The following MEST variants were observed in gnomAD, a reference collection of about 807,000 sequenced individuals.
MEST encodes mesoderm specific transcript, also known as mesoderm-specific transcript homolog protein.
In MEST, 18 loss-of-function variants were observed where a neutral mutation model predicts 50.9. The ratio of observed to expected loss-of-function variants is 0.35; its 90% CI spans 0.24 to 0.52. MEST has a LOEUF of 0.52. Ranked by LOEUF, MEST falls within the 20% of genes least tolerant of loss-of-function variation. MEST has a pLI of 0.94. For synonymous variants in MEST, 130 were observed against 154.1 expected (o/e 0.84, Z 1.16); for missense variants, 282 against 425.3 (o/e 0.66, Z 2.96).
upstream of MEST, chr7:130,489,046 G>T (rs1228178610): frequency 6.6e-6 from 1 of 152,196 alleles, no homozygotes; most frequent in Non-Finnish European, 1.5e-5. Flanking sequence ...AGTCCCGGTT[G>T]TGTCTTGTTG....
chr7:130,501,777 G>A (rs369895477), intron 9 of MEST, among the ~76,000 whole-genome samples: 44 of 152,218 alleles, frequency 2.9e-4, no homozygotes, highest in African/African-American at 8.9e-4. Flanking sequence ...AGGCCAAGGT[G>A]GGCGAATCAT....
intron 6 of MEST, 173 bp downstream of exon 6, chr7:130,498,650 C>T (rs1799161945): frequency 1.6e-6 from 1 of 638,628 alleles, no homozygotes; most frequent in Non-Finnish European, 2.8e-6. Context: ...GATTTATGGA[C>T]CCTTTCTCAG....
rs1240860417 is a variant in MEST at position 130,505,197 on chromosome 7, C to G, written c.*141C>G. On this transcript the variant is annotated 3_prime_UTR_variant, in exon 12 of 12. Coordinates refer to ENST00000223215, the MANE Select transcript of MEST (RefSeq NM_002402.4). The stretch of plus-strand genomic sequence containing the variant: ...AGTCCACTTTACTCAAATTGGTGAA[C>G]AGTGTATAGGAAGAAGCCAGCAGGA... The G allele has an allele frequency of 5.7e-6, 4 of 703,158 alleles. No individual in the cohort carries two copies. The East Asian group carries it at 1.0e-4, about 18-fold the overall frequency. The allele number at this position is 703,158 out of a possible 1,614,324, so 43.6% of individuals were successfully genotyped here. A position where few individuals can be genotyped will look rare whatever the true frequency, so the allele number is the denominator to read the frequency against.
Position 130,497,112 on chromosome 7 carries a change from T to C in MEST, c.182-44T>C, listed in dbSNP as rs1799090595. 6.6e-7 allele frequency: 1 copy of C among 1,513,756 alleles called. No individual in the cohort carries two copies. The highest frequency in any genetic ancestry group is 1.4e-5 in the African/African-American group (1 of 72,096). The allele number at this position is 1,513,756 out of a possible 1,614,324, so 93.8% of individuals were successfully genotyped here. A position where few individuals can be genotyped will look rare whatever the true frequency, so the allele number is the denominator to read the frequency against. On this transcript the variant is annotated intron_variant, in intron 2 of 11. Transcript: ENST00000223215. This position sits in a 1 kb window ranked among gnomAD's most constrained non-coding sequence, Gnocchi z 4.0. Reference sequence around the variant, plus strand: ...GATTTTAACATCTTCGAGGTTATTTTTATAGGGATTTGGCATAATTGATTG... The same window carrying C: ...GATTTTAACATCTTCGAGGTTATTTCTATAGGGATTTGGCATAATTGATTG...
intron 2 of MEST, chr7:130,496,584 G>A: frequency 5.7e-6 from 1 of 174,558 alleles, no homozygotes; most frequent in South Asian, 1.4e-4. Context: ...CATTAAAAAA[G>A]TTCATGTTTA....
At chr7:130,501,075 T>C in intron 9 of MEST, 185 bp downstream of exon 9, 1 of 526,848 alleles carries the variant, frequency 1.9e-6, no homozygotes, top group Non-Finnish European at 3.3e-6. Context: ...ACTGGACTCT[T>C]TGTTAGTATT....
At chr7:130,499,776 G>A in intron 6 of MEST, 99 bp from the exon 7 acceptor site, 1 of 925,920 alleles carries the variant, frequency 1.1e-6, no homozygotes. Flanking sequence ...AGGATTGCTT[G>A]AGCTCGAGAC....
At chr7:130,487,991 T>C (rs1798675440), upstream of MEST, 1 of 152,250 alleles carries the variant, frequency 6.6e-6, no homozygotes, top group South Asian at 2.1e-4. Flanking sequence ...ATTTTATTGA[T>C]GATAATGTCT....
intron 11 of MEST, among the ~76,000 whole-genome samples, chr7:130,504,232 C>T (rs117670945): frequency 1.3e-3 from 197 of 152,360 alleles, no homozygotes; most frequent in South Asian, 3.5e-3. Context: ...ACTGTCATGA[C>T]TGCTACATAT....
In MEST at chr7:130,497,289, C is replaced by T. The variant is rs6963160; in HGVS notation, c.261+54C>T. On this transcript the variant is annotated intron_variant, in intron 3 of 11. Coordinates refer to ENST00000223215, the MANE Select transcript of MEST (RefSeq NM_002402.4). This position sits in a 1 kb window ranked among gnomAD's most constrained non-coding sequence, Gnocchi z 4.0. ...TATGTCTTAAAAAATCTCGGCCGGG[C>T]GCGGGGGCTCAAATCCTAGCACTTT... The T allele has an allele frequency of 3.2e-3, 4,656 of 1,475,442 alleles. 38 individuals are homozygous for T. Among genetic ancestry groups the T allele is most frequent in the Middle Eastern group, 0.024 (138 of 5,670 alleles). 91.4% of individuals were successfully genotyped at this position (1,475,442 alleles called of 1,614,324 possible). A position where few individuals can be genotyped will look rare whatever the true frequency, so the allele number is the denominator to read the frequency against.
chr7:130,486,504 C>T (rs2116192252), intron 1 of MEST: 1 of 152,442 alleles, frequency 6.6e-6, no homozygotes, highest in East Asian at 1.9e-4. Context: ...GTGGGCCACA[C>T]CAGTCCTAGG....
rs1225353876 is a variant in MEST at position 130,500,672 on chromosome 7, T to C, written c.648-117T>C. On this transcript the variant is annotated intron_variant, in intron 8 of 11. Transcript: ENST00000223215. The surrounding 1 kb of genome is among the most constrained non-coding windows in gnomAD (Gnocchi z 5.0). ...TTGCCAGGGAAGTAGAAGGAATTCATAAATCACTTATGGGTCAGACTGCAT... is the reference window on the plus strand; with the variant it reads ...TTGCCAGGGAAGTAGAAGGAATTCACAAATCACTTATGGGTCAGACTGCAT... 1 of 1,193,710 alleles carries C rather than the reference T, an allele frequency of 8.4e-7. No individual in the cohort carries two copies. The highest frequency in any genetic ancestry group is 2.5e-5 in the East Asian group (1 of 40,248). 73.9% of individuals were successfully genotyped at this position (1,193,710 alleles called of 1,614,324 possible).
chr7:130,495,777 A>ATT, intron 2 of MEST: 2 of 202,006 alleles, frequency 9.9e-6, no homozygotes, highest in Non-Finnish European at 1.8e-5. Flanking sequence ...TTCCAATATT[A>ATT]GTTTTTTTTT....
At position 130,492,644 on chromosome 7, in the gene MEST, A is replaced by T. The variant is rs1798872636; in HGVS notation, c.26+305A>T. ...TTGATATGACTTAGGATCCATAATG[A>T]CCCTGGTCTCACCCTGATGCGAATT... On this transcript the variant is annotated intron_variant, in intron 1 of 11. Transcript: ENST00000223215. The surrounding 1 kb of genome is among the most constrained non-coding windows in gnomAD (Gnocchi z 7.6). 3.1e-6 allele frequency: 1 copy of T among 318,772 alleles called. No individual in the cohort carries two copies. Among genetic ancestry groups the T allele is most frequent in the Admixed American group, 5.0e-5 (1 of 20,194 alleles). The allele number at this position is 318,772 out of a possible 1,614,324, so 19.7% of individuals were successfully genotyped here.
At position 130,497,131 on chromosome 7, in the gene MEST, T is replaced by C. The variant is rs782030187; in HGVS notation, c.182-25T>C. 6.9e-6 allele frequency: 11 copies of C among 1,589,570 alleles called. No individual in the cohort carries two copies. Among genetic ancestry groups the C allele is most frequent in the Non-Finnish European group, 8.6e-6 (10 of 1,162,278 alleles). ...TTATTTTTATAGGGATTTGGCATAA[T>C]TGATTGTACTTTCCTTCTTCCTAGA... is the stretch of plus-strand genomic sequence containing the variant. On this transcript the variant is annotated intron_variant, in intron 2 of 11. Transcript: ENST00000223215. This position sits in a 1 kb window ranked among gnomAD's most constrained non-coding sequence, Gnocchi z 4.0.
rs1472232221 is a variant in MEST, at chr7:130,492,738, T to G, written c.26+399T>G. Among the ~76,000 whole-genome samples, 4 of 152,020 alleles carry G rather than the reference T, an allele frequency of 2.6e-5. No individual in the cohort carries two copies. The highest frequency in any genetic ancestry group is 9.7e-5 in the African/African-American group (4 of 41,376). The stretch of plus-strand genomic sequence containing the variant: ...TTTATACTCAGTCATTGCTGCAGCA[T>G]GATTTAGGATTTCTAACCCCCAGCA... On this transcript the variant is annotated intron_variant, in intron 1 of 11. Transcript: ENST00000223215. This position sits in a 1 kb window ranked among gnomAD's most constrained non-coding sequence, Gnocchi z 7.6.
At chr7:130,488,422 CCTT>C (rs1554434308), upstream of MEST, 1 of 152,232 alleles carries the variant, frequency 6.6e-6, no homozygotes, top group East Asian at 1.9e-4. Flanking sequence ...TAACACATTT[CCTT>C]CTTCTACTTA....
At chr7:130,499,462 A>T (rs1799194149) in intron 6 of MEST, among the ~76,000 whole-genome samples, 1 of 152,242 alleles carries the variant, frequency 6.6e-6, no homozygotes, top group South Asian at 2.1e-4. Flanking sequence ...AAGGGGAGTC[A>T]GAGCCTGGTT....
At chr7:130,498,717 T>C (rs1332928351) in intron 6 of MEST, 6 of 584,456 alleles carry the variant, frequency 1.0e-5, no homozygotes, top group African/African-American at 7.5e-5. Flanking sequence ...TTTACTTACA[T>C]AGTCAATAAA....
Sources: allele counts gnomAD v4.1 joint callset (sites outside exome capture counted in the v4.1 genomes callset), GRCh38; gene constraint gnomAD v4.1.1; non-coding constraint Gnocchi (gnomAD v3.1); transcripts MANE v1.5; gene names NCBI Gene and HGNC (gene_info 2026-07-23, HGNC 2026-07-21).